Variants in PTPRD observed in about 807,000 individuals in gnomAD.
PTPRD encodes the protein protein tyrosine phosphatase receptor type D.
In PTPRD, 34 loss-of-function variants were observed where a neutral mutation model predicts 214.5. The observed-to-expected ratio is 0.16, with a 90% CI of 0.12 to 0.21. The LOEUF is 0.21. Ranked by LOEUF, PTPRD falls within the 10% of genes least tolerant of loss-of-function variation. The pLI is 1.00. For missense variants in PTPRD, 2,545 were observed against 2,398.7 expected (o/e 1.06, Z -1.27); for synonymous variants, 1,128 against 845.7 (o/e 1.33, Z -5.79).
intron 9 of PTPRD, among the ~76,000 whole-genome samples, chr9:9,358,422 T>C (rs1322159716): frequency 6.6e-6 from 1 of 151,342 alleles, no homozygotes; most frequent in Non-Finnish European, 1.5e-5. Flanking sequence ...TATGTATATC[T>C]ATAATACTTT....
At chr9:10,277,301 C>A (rs1202395174) in intron 3 of PTPRD, among the ~76,000 whole-genome samples, 1 of 151,628 alleles carries the variant, frequency 6.6e-6, no homozygotes, top group Non-Finnish European at 1.5e-5. Flanking sequence ...ACAATATATA[C>A]CATCTGGTGC....
At chr9:10,554,940 G>A (rs1335578843) in intron 2 of PTPRD, among the ~76,000 whole-genome samples, 3 of 152,312 alleles carry the variant, frequency 2.0e-5, no homozygotes, top group South Asian at 2.1e-4. Flanking sequence ...GATTACAGGC[G>A]TGAGCCACCG....
Position 9,298,912 on chromosome 9 carries a change from C to T in PTPRD, c.-203+98537G>A, listed in dbSNP as rs140092117. Among the ~76,000 whole-genome samples, 588 of 151,866 alleles carry T rather than the reference C, an allele frequency of 3.9e-3. 6 individuals carry two copies. Among genetic ancestry groups the T allele is most frequent in the African/African-American group, 0.014 (568 of 41,484 alleles). The stretch of plus-strand genomic sequence containing the variant: ...AATACCAGCTTAAAAATGTTTCCAT[C>T]ACAATGAGCATGAAATAAAAGGAGT... On this transcript the variant is annotated intron_variant, in intron 9 of 45. Coordinates refer to ENST00000381196, the MANE Select transcript of PTPRD (RefSeq NM_002839.4).
At chr9:10,366,159 T>A (rs2097511801) in intron 2 of PTPRD, among the ~76,000 whole-genome samples, 1 of 152,180 alleles carries the variant, frequency 6.6e-6, no homozygotes, top group Non-Finnish European at 1.5e-5. Flanking sequence ...CATGCTGTAG[T>A]GCTGCTGATA....
intron 4 of PTPRD, among the ~76,000 whole-genome samples, chr9:9,982,478 GTGTGTGTGTGTGTGT>G (rs1169870104): frequency 0.013 from 1,965 of 148,958 alleles, 47 homozygotes; most frequent in African/African-American, 0.046. Context: ...TGGTGGTGGT[GTGTGTGTGTGTGTGT>G]GTGTGTGTGT....
chr9:10,416,864 G>A lies in PTPRD; in HGVS notation c.-599-75847C>T, dbSNP rs577449704. Among the ~76,000 whole-genome samples, 9 of 151,924 alleles carry A rather than the reference G, an allele frequency of 5.9e-5. No individual in the cohort carries two copies. In the East Asian group the frequency reaches 1.8e-3, roughly 30 times the overall value. On this transcript the variant is annotated intron_variant, in intron 2 of 45. Coordinates refer to ENST00000381196, the MANE Select transcript of PTPRD (RefSeq NM_002839.4). ...AGTGTAGAATTGATGGGCATAGCAA[G>A]GAGAGAGTTCTGAGGTGAGGGTTCT...
At chr9:8,680,153 TTTAA>T (rs1357170915) in intron 12 of PTPRD, among the ~76,000 whole-genome samples, 4 of 152,040 alleles carry the variant, frequency 2.6e-5, no homozygotes, top group South Asian at 2.1e-4. Flanking sequence ...TTAAAATCTA[TTTAA>T]TTAATCAAGA....
intron 3 of PTPRD, among the ~76,000 whole-genome samples, chr9:10,246,101 T>A (rs1208012461): frequency 6.6e-6 from 1 of 152,124 alleles, no homozygotes; most frequent in Non-Finnish European, 1.5e-5. Context: ...TACTTCACAA[T>A]AATGGTTAAA....
intron 5 of PTPRD, among the ~76,000 whole-genome samples, chr9:9,820,430 A>T (rs1427863074): frequency 6.6e-6 from 1 of 151,852 alleles, no homozygotes; most frequent in Non-Finnish European, 1.5e-5. Flanking sequence ...CTCATTTTGT[A>T]TGTTGTCTGT....
chr9:9,532,826 C>T (rs955738557), intron 8 of PTPRD, among the ~76,000 whole-genome samples: 5 of 152,132 alleles, frequency 3.3e-5, no homozygotes, highest in African/African-American at 1.2e-4. Context: ...TTACAACTGT[C>T]AAATTATCTT....
chr9:9,508,943 AC>A, intron 8 of PTPRD, among the ~76,000 whole-genome samples: 1 of 151,724 alleles, frequency 6.6e-6, no homozygotes, highest in South Asian at 2.1e-4. Context: ...TATATTAATT[AC>A]ATGTTACTGC....
chr9:9,983,979 G>C (rs1200842471), intron 4 of PTPRD, among the ~76,000 whole-genome samples: 5 of 151,898 alleles, frequency 3.3e-5, no homozygotes, highest in African/African-American at 1.2e-4. Context: ...CTATTCCTTT[G>C]TCAACCTGTA....
intron 26 of PTPRD, among the ~76,000 whole-genome samples, chr9:8,495,897 A>G (rs1429465592): frequency 2.6e-5 from 4 of 151,996 alleles, no homozygotes; most frequent in Admixed American, 6.6e-5. Flanking sequence ...CCTTTAACTC[A>G]TTTTTCTTTT....
At chr9:9,170,320 C>T (rs192215311) in intron 10 of PTPRD, among the ~76,000 whole-genome samples, 2 of 152,166 alleles carry the variant, frequency 1.3e-5, no homozygotes, top group African/African-American at 4.8e-5. Context: ...CTTTGTCCTT[C>T]AAATTTTTAC....
intron 3 of PTPRD, among the ~76,000 whole-genome samples, chr9:10,204,497 T>C (rs906796969): frequency 1.3e-5 from 2 of 152,154 alleles, no homozygotes; most frequent in Non-Finnish European, 2.9e-5. Context: ...TCTAGTTGGC[T>C]AGCATTAAAT....
At chr9:9,943,371 AG>A (rs2091971281) in intron 4 of PTPRD, among the ~76,000 whole-genome samples, 1 of 152,150 alleles carries the variant, frequency 6.6e-6, no homozygotes, top group South Asian at 2.1e-4. Context: ...TGGAATTTTT[AG>A]TATTCAATGT....
At chr9:8,882,251 T>C (rs996243929) in intron 11 of PTPRD, among the ~76,000 whole-genome samples, 4 of 152,208 alleles carry the variant, frequency 2.6e-5, no homozygotes, top group Non-Finnish European at 5.9e-5. Flanking sequence ...TAGATTTATT[T>C]TTATATTGAT....
At chr9:8,932,116 G>A (rs571394909) in intron 11 of PTPRD, among the ~76,000 whole-genome samples, 5 of 152,140 alleles carry the variant, frequency 3.3e-5, no homozygotes, top group African/African-American at 9.6e-5. Context: ...CCCGCTCCTG[G>A]ATTCGTTGAT....
chr9:9,168,929 T>G (rs2099909234), intron 10 of PTPRD, among the ~76,000 whole-genome samples: 1 of 151,852 alleles, frequency 6.6e-6, no homozygotes, highest in East Asian at 1.9e-4. Flanking sequence ...TGAAAATTAA[T>G]GCTCTCCTGT....
Sources: gnomAD v4.1 joint callset for allele counts (sites outside exome capture counted in the v4.1 genomes callset) on GRCh38, gnomAD v4.1.1 for gene constraint, MANE v1.5 for transcripts, NCBI Gene and HGNC (gene_info 2026-07-23, HGNC 2026-07-21) for gene names.